Variants in TENM4 observed in about 807,000 individuals in gnomAD.
TENM4 encodes teneurin transmembrane protein 4.
A neutral mutation model predicts 243.3 loss-of-function variants in TENM4; 82 were observed. The ratio of observed to expected loss-of-function variants is 0.34; its 90% CI spans 0.28 to 0.40. The LOEUF (loss-of-function observed/expected upper bound fraction) is 0.40. Ranked by LOEUF, TENM4 falls within the 10% of genes least tolerant of loss-of-function variation. The pLI is 1.00. For missense variants in TENM4, 3,138 were observed against 3,673.3 expected (o/e 0.85, Z 3.77); for synonymous variants, 1,412 against 1,456.3 (o/e 0.97, Z 0.69).
At chr11:79,361,016 T>C (rs919656847) in intron 1 of TENM4, among the ~76,000 whole-genome samples, 2 of 152,198 alleles carry the variant, frequency 1.3e-5, no homozygotes, top group African/African-American at 4.8e-5. Flanking sequence ...CTAGCAATTA[T>C]CATGCAACCT....
intron 2 of TENM4, among the ~76,000 whole-genome samples, chr11:79,287,467 G>C (rs1856277067): frequency 6.6e-6 from 1 of 152,262 alleles, no homozygotes; most frequent in South Asian, 2.1e-4. Flanking sequence ...TGTAGTCCTT[G>C]AGAAAATATC....
chr11:79,196,977 T>C (rs947120196), intron 3 of TENM4, among the ~76,000 whole-genome samples: 2 of 152,232 alleles, frequency 1.3e-5, no homozygotes, highest in African/African-American at 4.8e-5. Context: ...CGCCTGGTCA[T>C]GCCCAGGGTT....
intron 2 of TENM4, among the ~76,000 whole-genome samples, chr11:79,289,817 A>G (rs1856323241): frequency 2.6e-5 from 4 of 152,228 alleles, no homozygotes; most frequent in African/African-American, 9.6e-5. Flanking sequence ...GGAAGACTCA[A>G]CGTTAACCAA....
At chr11:79,326,750 C>CG (rs1449103035) in intron 1 of TENM4, among the ~76,000 whole-genome samples, 11 of 152,130 alleles carry the variant, frequency 7.2e-5, no homozygotes, top group Admixed American at 6.5e-4. Flanking sequence ...CTCTTTGTCC[C>CG]GTTCCCTAGA....
At chr11:78,996,932 T>C (rs1336309555) in intron 6 of TENM4, among the ~76,000 whole-genome samples, 2 of 152,150 alleles carry the variant, frequency 1.3e-5, no homozygotes, top group Middle Eastern at 3.4e-3. Flanking sequence ...AGGGGTGCGA[T>C]GTGAAGGTGC....
chr11:79,343,891 G>A (rs17755994), intron 1 of TENM4, among the ~76,000 whole-genome samples: 6,572 of 152,284 alleles, frequency 0.043, 177 homozygotes, highest in Middle Eastern at 0.085. Context: ...GATCTGCAGG[G>A]GCTTGTGTCT....
At chr11:78,868,717 TG>T (rs1466814420) in intron 9 of TENM4, among the ~76,000 whole-genome samples, 1 of 152,202 alleles carries the variant, frequency 6.6e-6, no homozygotes, top group Non-Finnish European at 1.5e-5. Flanking sequence ...GAGTTTCTGC[TG>T]TCACGATGCA....
intron 6 of TENM4, among the ~76,000 whole-genome samples, chr11:78,985,832 C>T (rs550949405): frequency 7.2e-5 from 11 of 152,080 alleles, no homozygotes; most frequent in East Asian, 1.9e-4. Context: ...GCCAAGTTAC[C>T]GAGCTACTTC....
rs552981161 is a variant in TENM4 at position 79,128,511 on chromosome 11, T to C, written c.-66+20199A>G. Among the ~76,000 whole-genome samples the C allele has an allele frequency of 2.6e-5, 4 of 152,342 alleles. No individual in the cohort carries two copies. The South Asian group carries it at 8.3e-4, about 32-fold the overall frequency. ...CCCACGGTCTCCACTCCAGCCACCCTGCCTTCTCTCCCCGAGCCTGCACCA... is the reference window on the plus strand; with the variant it reads ...CCCACGGTCTCCACTCCAGCCACCCCGCCTTCTCTCCCCGAGCCTGCACCA... On this transcript the variant is annotated intron_variant, in intron 4 of 33. Coordinates refer to ENST00000278550, the MANE Select transcript of TENM4 (RefSeq NM_001098816.3).
chr11:79,165,151 T>C (rs1862885314), intron 3 of TENM4, among the ~76,000 whole-genome samples: 1 of 152,140 alleles, frequency 6.6e-6, no homozygotes, highest in East Asian at 1.9e-4. Context: ...TCTCTGGGTA[T>C]CTACCCAGGA....
intron 4 of TENM4, among the ~76,000 whole-genome samples, chr11:79,083,392 AC>A (rs1860726719): frequency 6.6e-6 from 1 of 152,130 alleles, no homozygotes; most frequent in Non-Finnish European, 1.5e-5. Flanking sequence ...ACGTTTCTCA[AC>A]CCGGGGGATA....
chr11:79,134,780 T>C (rs1371883967), intron 4 of TENM4, among the ~76,000 whole-genome samples: 1 of 152,098 alleles, frequency 6.6e-6, no homozygotes, highest in Non-Finnish European at 1.5e-5. Flanking sequence ...GCTGGGATAA[T>C]TGGCTAGCGA....
intron 4 of TENM4, among the ~76,000 whole-genome samples, chr11:79,109,287 G>A (rs1474410211): frequency 6.6e-6 from 1 of 152,156 alleles, no homozygotes; most frequent in African/African-American, 2.4e-5. Context: ...CCAAGTACAA[G>A]CACTCGTGAA....
intron 2 of TENM4, among the ~76,000 whole-genome samples, chr11:79,293,697 T>G (rs374221242): frequency 4.0e-4 from 61 of 152,190 alleles, no homozygotes; most frequent in South Asian, 1.0e-3. Flanking sequence ...CTAGAGAGTC[T>G]GTCTGGGTGG....
chr11:78,794,209 T>C (rs561734703), intron 15 of TENM4, among the ~76,000 whole-genome samples: 5 of 152,284 alleles, frequency 3.3e-5, no homozygotes, highest in Admixed American at 6.5e-5. Flanking sequence ...GGGTTGAAGA[T>C]ACTGGAGGGA....
intron 4 of TENM4, among the ~76,000 whole-genome samples, chr11:79,092,464 A>C (rs986425602): frequency 1.3e-5 from 2 of 152,194 alleles, no homozygotes; most frequent in Non-Finnish European, 2.9e-5. Flanking sequence ...GCATGGACCC[A>C]GCTTTGTCCC....
intron 6 of TENM4, among the ~76,000 whole-genome samples, chr11:78,932,870 C>T (rs2136427779): frequency 6.6e-6 from 1 of 152,306 alleles, no homozygotes; most frequent in East Asian, 1.9e-4. Context: ...AGGCGGAGCT[C>T]AGGTGGTAAT....
chr11:78,700,316 G>A (rs1859073369), intron 28 of TENM4, among the ~76,000 whole-genome samples: 4 of 152,218 alleles, frequency 2.6e-5, no homozygotes, highest in Admixed American at 1.3e-4. Flanking sequence ...GTTCTGCCAT[G>A]TCTCACTATC....
intron 4 of TENM4, among the ~76,000 whole-genome samples, chr11:79,138,561 AC>A (rs1862169745): frequency 1.5e-4 from 4 of 26,168 alleles, no homozygotes; most frequent in Admixed American, 8.4e-4. Context: ...TTATATAAAT[AC>A]ATAAAACATA....
Sources: allele counts gnomAD v4.1 joint callset (sites outside exome capture counted in the v4.1 genomes callset), GRCh38; gene constraint gnomAD v4.1.1; transcripts MANE v1.5; gene names NCBI Gene and HGNC (gene_info 2026-07-23, HGNC 2026-07-21).